Variants in ATP8A2 observed in about 807,000 individuals in gnomAD.
ATP8A2 encodes the protein phospholipid-transporting ATPase IB.
In ATP8A2, 100 loss-of-function variants were observed where a neutral mutation model predicts 165.6. The ratio of observed to expected loss-of-function variants is 0.60; its 90% confidence interval spans 0.51 to 0.71. ATP8A2 has a LOEUF of 0.71. Ranked by LOEUF, ATP8A2 falls within the 30% of genes least tolerant of loss-of-function variation. ATP8A2 has a pLI of 0.00. For synonymous variants in ATP8A2, 543 were observed against 548.8 expected (o/e 0.99, Z 0.15); for missense variants, 1,227 against 1,479.5 (o/e 0.83, Z 2.80).
At chr13:25,683,859 T>G (rs2137820845) in intron 24 of ATP8A2, among the ~76,000 whole-genome samples, 1 of 152,312 alleles carries the variant, frequency 6.6e-6, no homozygotes, top group Admixed American at 6.5e-5. Flanking sequence ...CTACTCCTAA[T>G]GTCCTGGCAT....
At chr13:25,445,998 G>T (rs1427211789) in intron 1 of ATP8A2, among the ~76,000 whole-genome samples, 1 of 152,166 alleles carries the variant, frequency 6.6e-6, no homozygotes, top group Non-Finnish European at 1.5e-5. Context: ...TACACCATGG[G>T]ATTGCTGTAA....
intron 24 of ATP8A2, among the ~76,000 whole-genome samples, chr13:25,628,526 G>A (rs573422567): frequency 4.9e-4 from 74 of 152,162 alleles, no homozygotes; most frequent in Non-Finnish European, 8.2e-4. Flanking sequence ...AACACTGCCT[G>A]TATTAGTCTT....
intron 25 of ATP8A2, among the ~76,000 whole-genome samples, chr13:25,719,541 C>T (rs1331336474): frequency 6.6e-6 from 1 of 151,990 alleles, no homozygotes; most frequent in Non-Finnish European, 1.5e-5. Flanking sequence ...CAAGCATTCC[C>T]AGAACATTTG....
chr13:25,860,695 A>T, intron 31 of ATP8A2, 109 bp from the exon 32 acceptor site: 1 of 809,310 alleles, frequency 1.2e-6, no homozygotes, highest in Non-Finnish European at 2.1e-6. Context: ...TTCAAACCGG[A>T]GCTGCCTTGG....
intron 25 of ATP8A2, among the ~76,000 whole-genome samples, chr13:25,733,754 T>C (rs1202961974): frequency 1.3e-5 from 2 of 152,202 alleles, no homozygotes; most frequent in Non-Finnish European, 2.9e-5. Flanking sequence ...ATTCATGGTC[T>C]CAAGAAGTAT....
intron 2 of ATP8A2, among the ~76,000 whole-genome samples, chr13:25,482,163 TG>T: frequency 6.6e-6 from 1 of 152,272 alleles, no homozygotes; most frequent in East Asian, 1.9e-4. Context: ...AAACCCCACT[TG>T]GAAGCCACCT....
At chr13:25,737,467 T>A (rs2043797211) in intron 25 of ATP8A2, among the ~76,000 whole-genome samples, 1 of 152,084 alleles carries the variant, frequency 6.6e-6, no homozygotes, top group Non-Finnish European at 1.5e-5. Flanking sequence ...TATAGAAGAA[T>A]CCAAAACAGA....
intron 1 of ATP8A2, among the ~76,000 whole-genome samples, chr13:25,373,255 TTTTA>T (rs1187018039): frequency 1.1e-4 from 16 of 152,218 alleles, no homozygotes; most frequent in African/African-American, 3.9e-4. Context: ...CTTCGTGCTT[TTTTA>T]TTTGTTTTGA....
At chr13:25,560,778 G>C (rs2039122625) in intron 15 of ATP8A2, among the ~76,000 whole-genome samples, 1 of 150,324 alleles carries the variant, frequency 6.7e-6, no homozygotes, top group African/African-American at 2.4e-5. Flanking sequence ...GAAGGTGAGA[G>C]TTTATCTCCT....
At chr13:25,635,478 A>G (rs926995109) in intron 24 of ATP8A2, among the ~76,000 whole-genome samples, 2 of 152,206 alleles carry the variant, frequency 1.3e-5, no homozygotes, top group African/African-American at 4.8e-5. Context: ...GAGATTCTCA[A>G]ATCACAGAAC....
chr13:25,439,396 G>T (rs1211407643), intron 1 of ATP8A2, among the ~76,000 whole-genome samples: 4 of 152,138 alleles, frequency 2.6e-5, no homozygotes, highest in Non-Finnish European at 5.9e-5. Context: ...TTGTATGAGG[G>T]CTCCAGACTC....
intron 35 of ATP8A2, among the ~76,000 whole-genome samples, chr13:25,982,688 C>CT (rs1484742971): frequency 3.3e-5 from 5 of 152,168 alleles, no homozygotes; most frequent in Admixed American, 6.5e-5. Context: ...AGGTTTTTCA[C>CT]TTTAGTTTCT....
chr13:25,383,078 G>T (rs2032911037), intron 1 of ATP8A2, among the ~76,000 whole-genome samples: 1 of 143,752 alleles, frequency 7.0e-6, no homozygotes, highest in African/African-American at 2.6e-5. Flanking sequence ...ACAGAGTCTT[G>T]CTTTGTTGCC....
intron 33 of ATP8A2, among the ~76,000 whole-genome samples, chr13:25,956,163 A>G (rs1467644193): frequency 6.6e-6 from 1 of 152,238 alleles, no homozygotes; most frequent in Admixed American, 6.5e-5. Context: ...AGCCAATATC[A>G]TACTGAATGG....
intron 33 of ATP8A2, among the ~76,000 whole-genome samples, chr13:25,885,725 G>A (rs11618726): frequency 0.011 from 1,647 of 152,286 alleles, 24 homozygotes; most frequent in Middle Eastern, 0.031. Flanking sequence ...ACTGATATGA[G>A]GGGAATTCAA....
intron 24 of ATP8A2, among the ~76,000 whole-genome samples, chr13:25,645,703 A>G (rs1229361275): frequency 2.0e-5 from 3 of 152,022 alleles, no homozygotes; most frequent in East Asian, 1.9e-4. Flanking sequence ...TTTAATTTTT[A>G]TGTATTTGTG....
intron 22 of ATP8A2, 58 bp downstream of exon 22, chr13:25,580,005 C>A: frequency 6.3e-7 from 1 of 1,589,896 alleles, no homozygotes; most frequent in Non-Finnish European, 8.6e-7. Flanking sequence ...ACCTATTTCA[C>A]AAAGTATTTG....
chr13:25,728,037 G>A (rs2043534074), intron 25 of ATP8A2, among the ~76,000 whole-genome samples: 1 of 152,128 alleles, frequency 6.6e-6, no homozygotes, highest in African/African-American at 2.4e-5. Flanking sequence ...TGAGGATCAG[G>A]TCACCCACAA....
chr13:25,885,588 C>T (rs564654229), intron 33 of ATP8A2, among the ~76,000 whole-genome samples: 23 of 152,248 alleles, frequency 1.5e-4, no homozygotes, highest in Admixed American at 3.3e-4. Context: ...CCGGGGTTGG[C>T]GACTGCAGCA....
Sources: allele counts gnomAD v4.1 joint callset (sites outside exome capture counted in the v4.1 genomes callset), GRCh38; gene constraint gnomAD v4.1.1; transcripts MANE v1.5; gene names NCBI Gene and HGNC (gene_info 2026-07-23, HGNC 2026-07-21).